The following LRBA variants were observed in gnomAD, a reference collection of about 807,000 sequenced individuals.
LRBA encodes lipopolysaccharide-responsive and beige-like anchor protein.
LRBA carries 176 observed loss-of-function variants against 330.0 expected under a neutral mutation model. That is an observed-to-expected ratio of 0.53 (90% CI 0.47 to 0.60). The LOEUF (loss-of-function observed/expected upper bound fraction) is 0.60. Among genes scored for constraint, LRBA ranks in the 20% least tolerant of loss-of-function variants. LRBA has a pLI of 0.00. For synonymous variants in LRBA, 1,230 were observed against 1,193.0 expected (o/e 1.03, Z -0.64); for missense variants, 3,259 against 3,444.8 (o/e 0.95, Z 1.35).
Position 150,285,968 on chromosome 4 carries a change from C to A in LRBA, c.8084G>T (p.Cys2695Phe), listed in dbSNP as rs1333673044. The A allele has an allele frequency of 1.3e-6, 2 of 1,597,536 alleles. No homozygotes were observed. Among genetic ancestry groups the A allele is most frequent in the Non-Finnish European group, 8.5e-7 (1 of 1,172,762 alleles). The change falls in exon 54 of 57, where the codon TGT (cysteine) becomes TTT (phenylalanine). Residue 2695 changes from cysteine to phenylalanine, a missense_variant. Transcript: ENST00000651943. ...HDYEVTCAAVCAELGLVLSGS... is the reference protein window; with the variant it reads ...HDYEVTCAAVFAELGLVLSGS... ...ACTCAACACCAGGCCTAGCTCCGCA[C>A]ACACCGCAGCACATGTGACCTCATA...
chr4:150,877,550 G>A (rs1754186538), intron 17 of LRBA, among the ~76,000 whole-genome samples: 1 of 152,266 alleles, frequency 6.6e-6, no homozygotes, highest in Middle Eastern at 3.4e-3. Context: ...CGAGACGTAG[G>A]AACAGACTTA....
chr4:150,679,889 T>C (rs1487364979), intron 37 of LRBA, among the ~76,000 whole-genome samples: 2 of 152,186 alleles, frequency 1.3e-5, no homozygotes, highest in Admixed American at 1.3e-4. Flanking sequence ...TGAATTTCCA[T>C]GGTACATTAG....
chr4:150,776,716 G>A (rs976313479), intron 34 of LRBA, among the ~76,000 whole-genome samples: 2 of 151,784 alleles, frequency 1.3e-5, no homozygotes, highest in African/African-American at 4.8e-5. Flanking sequence ...AGGAGGCTGA[G>A]GCAGTATTGT....
chr4:150,903,713 G>C (rs1210129717), intron 13 of LRBA, among the ~76,000 whole-genome samples: 1 of 152,124 alleles, frequency 6.6e-6, no homozygotes, highest in East Asian at 1.9e-4. Flanking sequence ...GTGACACAGT[G>C]AGACCCTGCG....
At chr4:150,835,797 T>C (rs998952201) in intron 28 of LRBA, among the ~76,000 whole-genome samples, 3 of 152,168 alleles carry the variant, frequency 2.0e-5, no homozygotes, top group African/African-American at 7.2e-5. Context: ...CTTTCTTTCT[T>C]TCTCCTGACG....
chr4:150,594,265 G>A (rs1177606238), intron 38 of LRBA, among the ~76,000 whole-genome samples: 2 of 151,608 alleles, frequency 1.3e-5, no homozygotes, highest in East Asian at 1.9e-4. Context: ...CACCACATGC[G>A]CTGGTGTTCA....
intron 47 of LRBA, among the ~76,000 whole-genome samples, chr4:150,367,441 C>T (rs1739613213): frequency 1.3e-5 from 2 of 152,336 alleles, no homozygotes; most frequent in South Asian, 4.1e-4. Flanking sequence ...TGGGGCATTA[C>T]TGCCTGCTGT....
chr4:150,667,737 A>G (rs910374664), intron 37 of LRBA, among the ~76,000 whole-genome samples: 9 of 152,216 alleles, frequency 5.9e-5, no homozygotes, highest in Non-Finnish European at 1.2e-4. Context: ...ATGAGAAGTC[A>G]GTAGTCTTCA....
chr4:150,849,540 C>T lies in LRBA; in HGVS notation c.4040G>A (p.Ser1347Asn), dbSNP rs370797604. The change falls in exon 25 of 57, where the codon AGC (serine) becomes AAC (asparagine). Residue 1347 changes from serine (S) to asparagine (N), a missense_variant. Ser to Asn is a conservative substitution (Grantham distance 46). Transcript: ENST00000651943. ...GTGTACAAAGATGACATTATCACTG[C>T]TATTCACGAAGTCCATAACTGTCTT... is the stretch of plus-strand genomic sequence containing the variant. ...STKTVMDFVNSSDNVIFVHNT... is the reference protein window; with the variant it reads ...STKTVMDFVNNSDNVIFVHNT... The T allele has an allele frequency of 2.5e-6, 4 of 1,613,078 alleles. No homozygotes were observed. The highest frequency in any genetic ancestry group is 2.5e-6 in the Non-Finnish European group (3 of 1,179,180).
At chr4:150,471,094 T>C (rs1756073399) in intron 43 of LRBA, among the ~76,000 whole-genome samples, 1 of 152,218 alleles carries the variant, frequency 6.6e-6, no homozygotes. Context: ...TTTCCCATTA[T>C]ATCTTTATGA....
intron 48 of LRBA, among the ~76,000 whole-genome samples, chr4:150,347,467 G>A (rs569844273): frequency 1.3e-5 from 2 of 152,178 alleles, no homozygotes; most frequent in African/African-American, 2.4e-5. Flanking sequence ...GCAACATGGT[G>A]AGACCCCATC....
chr4:150,852,429 G>C lies in LRBA; in HGVS notation c.3281C>G (p.Pro1094Arg). The C allele has an allele frequency of 3.1e-6, 5 of 1,613,428 alleles. No individual in the cohort carries two copies. The highest frequency in any genetic ancestry group is 4.2e-6 in the Non-Finnish European group (5 of 1,179,982). The change falls in exon 23 of 57, where the codon CCA becomes CGA. Residue 1094 changes from proline to arginine, a missense_variant. Pro to Arg is a moderately radical substitution (Grantham distance 103). Transcript: ENST00000651943. ...TACTATAGATTTATCCAAGAATTCTGGCATCTCTGAGGCATCCTCTTCTGA... is the reference window on the plus strand; with the variant it reads ...TACTATAGATTTATCCAAGAATTCTCGCATCTCTGAGGCATCCTCTTCTGA... ...SPSEEDASEMPEFLDKSIVEE... is the reference protein window; with the variant it reads ...SPSEEDASEMREFLDKSIVEE...
chr4:150,746,839 G>A (rs17689300), intron 35 of LRBA, among the ~76,000 whole-genome samples: 5 of 151,960 alleles, frequency 3.3e-5, no homozygotes, highest in Admixed American at 6.5e-5. Flanking sequence ...AACCTTTTCC[G>A]GTGCCCTTCA....
In LRBA at chr4:150,321,446, A is replaced by G; in HGVS notation, c.7453-78T>C. 2 of 1,255,908 alleles carry G rather than the reference A, an allele frequency of 1.6e-6. No individual in the cohort carries two copies. Among genetic ancestry groups the G allele is most frequent in the Non-Finnish European group, 2.2e-6 (2 of 919,044 alleles). 77.8% of individuals were successfully genotyped at this position (1,255,908 alleles called of 1,614,324 possible). ...AGGAAAAGATGAAGAAAGACAAGAA[A>G]GAGAGGGGGTGCAGGAAAAGAAGAG... On this transcript the variant is annotated intron_variant, in intron 49 of 56. Coordinates refer to ENST00000651943, the MANE Select transcript of LRBA (RefSeq NM_001364905.1). This position sits in a 1 kb window ranked among gnomAD's most constrained non-coding sequence, Gnocchi z 4.5.
chr4:150,302,536 C>T (rs958921266), intron 53 of LRBA, 89 bp downstream of exon 53: 3 of 796,158 alleles, frequency 3.8e-6, no homozygotes, highest in African/African-American at 3.5e-5. Context: ...TCCTGTCTCA[C>T]TTTTACCATA....
intron 40 of LRBA, among the ~76,000 whole-genome samples, chr4:150,548,550 CT>C (rs1267612498): frequency 1.3e-5 from 2 of 152,048 alleles, no homozygotes; most frequent in Non-Finnish European, 2.9e-5. Flanking sequence ...ACACTTAACT[CT>C]GCATAGTTTA....
chr4:150,443,853 A>AAAAAATATATATAT (rs70941406), intron 44 of LRBA, among the ~76,000 whole-genome samples: 15 of 75,462 alleles, frequency 2.0e-4, no homozygotes, highest in Non-Finnish European at 3.3e-4. Context: ...TAATTAAAAA[A>AAAAAATATATATAT]ATATATATAT....
chr4:150,280,675 T>C (rs1399718329), intron 55 of LRBA, among the ~76,000 whole-genome samples: 1 of 152,226 alleles, frequency 6.6e-6, no homozygotes, highest in Non-Finnish European at 1.5e-5. Flanking sequence ...ACTTAATTTC[T>C]GGTCTGAGCT....
At chr4:150,638,084 ATTTC>A (rs1778104215) in intron 37 of LRBA, among the ~76,000 whole-genome samples, 1 of 150,316 alleles carries the variant, frequency 6.7e-6, no homozygotes, top group Non-Finnish European at 1.5e-5. Flanking sequence ...TTTGTTTACA[ATTTC>A]TTTAATTATT....
Sources: gnomAD v4.1 joint callset for allele counts (sites outside exome capture counted in the v4.1 genomes callset) on GRCh38, gnomAD v4.1.1 for gene constraint, Gnocchi (gnomAD v3.1) non-coding constraint, MANE v1.5 for transcripts, NCBI Gene and HGNC (gene_info 2026-07-23, HGNC 2026-07-21) for gene names.